The following RND3 variants were observed in gnomAD, a reference collection of about 807,000 sequenced individuals.
RND3 encodes the protein rho-related GTP-binding protein RhoE.
A neutral mutation model predicts 26.5 loss-of-function variants in RND3; 8 were observed. That is an observed-to-expected ratio of 0.30 (90% CI 0.18 to 0.54). The LOEUF is 0.54. Ranked by LOEUF, RND3 falls within the 20% of genes least tolerant of loss-of-function variation. RND3 has a pLI of 0.94. For synonymous variants in RND3, 113 were observed against 113.0 expected (o/e 1.00, Z 0.00); for missense variants, 207 against 302.8 (o/e 0.68, Z 2.35).
At chr2:150,483,376 C>T (rs1225831046) in intron 3 of RND3, among the ~76,000 whole-genome samples, 3 of 152,210 alleles carry the variant, frequency 2.0e-5, no homozygotes, top group African/African-American at 7.2e-5. Flanking sequence ...TATATAAGAG[C>T]AGTCAGGCAC....
chr2:150,482,784 A>G (rs1012438437), intron 3 of RND3, among the ~76,000 whole-genome samples: 6 of 152,262 alleles, frequency 3.9e-5, no homozygotes, highest in East Asian at 1.9e-4. Context: ...CAGAGGATCT[A>G]TAAGCCCTAG....
rs912610598 is a variant in RND3, at chr2:150,482,100, T to A, written c.238+4594A>T. ...AAAAGAAACTTGGATCATGACAAGATTCGAAAGAGTGTTCATGAGGCAATA... is the reference window on the plus strand; with the variant it reads ...AAAAGAAACTTGGATCATGACAAGAATCGAAAGAGTGTTCATGAGGCAATA... On this transcript the variant is annotated intron_variant, in intron 3 of 5. Coordinates refer to ENST00000263895, the MANE Select transcript of RND3 (RefSeq NM_005168.5). Among the ~76,000 whole-genome samples the A allele has an allele frequency of 2.6e-5, 4 of 152,228 alleles. 1 individual carries two copies. Among genetic ancestry groups the A allele is most frequent in the Non-Finnish European group, 4.4e-5 (3 of 68,042 alleles).
chr2:150,485,536 C>G (rs909491876), intron 3 of RND3, among the ~76,000 whole-genome samples: 17 of 152,236 alleles, frequency 1.1e-4, no homozygotes, highest in Admixed American at 3.9e-4. Context: ...TTGGCTCGGT[C>G]CGCCAGCAAC....
At chr2:150,481,396 T>C (rs1241317489) in intron 3 of RND3, among the ~76,000 whole-genome samples, 2 of 152,216 alleles carry the variant, frequency 1.3e-5, no homozygotes, top group African/African-American at 4.8e-5. Context: ...AAGAAGGATG[T>C]CTTTACCCTG....
intron 3 of RND3, among the ~76,000 whole-genome samples, chr2:150,479,447 T>C (rs1439736417): frequency 6.6e-6 from 1 of 152,232 alleles, no homozygotes; most frequent in East Asian, 1.9e-4. Flanking sequence ...AAACTCTTCT[T>C]GTTGAATATT....
At chr2:150,484,882 C>A (rs148919241) in intron 3 of RND3, among the ~76,000 whole-genome samples, 80 of 152,248 alleles carry the variant, frequency 5.3e-4, no homozygotes, top group Non-Finnish European at 2.4e-4. Context: ...TAATTTTTAT[C>A]GTGCATTAGG....
At chr2:150,487,149 C>CCT in intron 2 of RND3, 119 bp downstream of exon 2, 1 of 550,600 alleles carries the variant, frequency 1.8e-6, no homozygotes, top group Non-Finnish European at 2.8e-6. Flanking sequence ...CCGAGAAAGA[C>CCT]TTTTTTTTTT....
chr2:150,478,579 C>CAA (rs1229770069), intron 3 of RND3, among the ~76,000 whole-genome samples: 24,064 of 105,992 alleles, frequency 0.23, 2,537 homozygotes, highest in East Asian at 0.41. Context: ...AGCCAAACGG[C>CAA]AAAAAAAAAA....
intron 3 of RND3, among the ~76,000 whole-genome samples, chr2:150,484,123 C>T (rs1686320960): frequency 6.6e-6 from 1 of 152,194 alleles, no homozygotes; most frequent in South Asian, 2.1e-4. Flanking sequence ...GAATAAATGT[C>T]AGGGAACCTC....
chr2:150,476,553 A>G (rs1188377477), intron 3 of RND3, among the ~76,000 whole-genome samples: 1 of 152,222 alleles, frequency 6.6e-6, no homozygotes, highest in African/African-American at 2.4e-5. Context: ...GTGTGAATAA[A>G]TAGAGAATTA....
Position 150,469,186 on chromosome 2 carries a change from C to T in RND3, c.*801G>A, listed in dbSNP as rs893471791. 1 of 152,450 alleles carries T rather than the reference C, an allele frequency of 6.6e-6. No individual in the cohort carries two copies. Among genetic ancestry groups the T allele is most frequent in the African/African-American group, 2.4e-5 (1 of 41,392 alleles). 9.4% of individuals were successfully genotyped at this position (152,450 alleles called of 1,614,324 possible). On this transcript the variant is annotated 3_prime_UTR_variant, in exon 6 of 6. Coordinates refer to ENST00000263895, the MANE Select transcript of RND3 (RefSeq NM_005168.5). The stretch of plus-strand genomic sequence containing the variant: ...GACTTTGCATTTTTATCAACGATGG[C>T]AAAAAATCACACAACTTCTAAACAG...
rs1490321914 is a variant in RND3, at chr2:150,486,144, G to C, written c.238+550C>G. The stretch of plus-strand genomic sequence containing the variant: ...GCTGCCCGGCCCCTGCGCCACCAGC[G>C]CATTCCTGGGTGTAGGCGTCACGGG... On this transcript the variant is annotated intron_variant, in intron 3 of 5. Coordinates refer to ENST00000263895, the MANE Select transcript of RND3 (RefSeq NM_005168.5). The surrounding 1 kb of genome is among the most constrained non-coding windows in gnomAD (Gnocchi z 4.5). Among the ~76,000 whole-genome samples the C allele has an allele frequency of 6.6e-6, 1 of 152,050 alleles. No homozygotes were observed. Among genetic ancestry groups the C allele is most frequent in the Non-Finnish European group, 1.5e-5 (1 of 68,004 alleles).
rs978242755 is a variant in RND3 at position 150,470,177 on chromosome 2, G to A, written c.545C>T (p.Ser182Leu). The change falls in exon 6 of 6, where the codon TCG becomes TTG. Residue 182 changes from serine (S) to leucine (L), a missense_variant. Transcript: ENST00000263895. ...AAAAATGTCTCTGACGCTATTTTCC[G>A]ACTGTAAAGCTGAGCATTCGATATA... Reference protein sequence around the residue: ...ATYIECSALQSENSVRDIFHV... With the variant: ...ATYIECSALQLENSVRDIFHV... The A allele has an allele frequency of 2.5e-6, 4 of 1,613,832 alleles. No individual in the cohort carries two copies. The highest frequency in any genetic ancestry group is 3.4e-6 in the Non-Finnish European group (4 of 1,179,888).
intron 3 of RND3, among the ~76,000 whole-genome samples, chr2:150,478,522 C>T (rs1686211204): frequency 6.7e-6 from 1 of 148,808 alleles, no homozygotes; most frequent in Non-Finnish European, 1.5e-5. Context: ...ACAATACCTG[C>T]CCCTAACTCC....
intron 1 of RND3, 33 bp from the exon 2 acceptor site, chr2:150,487,488 T>C: frequency 2.8e-6 from 1 of 354,672 alleles, no homozygotes; most frequent in Non-Finnish European, 4.3e-6. Flanking sequence ...TATATATATA[T>C]ATATATTTCT....
chr2:150,471,643 G>A lies in RND3; in HGVS notation c.467C>T (p.Pro156Leu). Residue 156 changes from proline (P) to leucine (L), a missense_variant, in exon 5 of 6, where the codon CCA (proline) becomes CTA (leucine). Physicochemically the swap from Pro to Leu is moderately conservative, Grantham distance 98. Coordinates refer to ENST00000263895, the MANE Select transcript of RND3 (RefSeq NM_005168.5). ...LVELSNHRQT[P>L]VSYDQGANMA... ...CATACATACCTGGTCATAGGACACT[G>A]GCGTCTGCCTGTGATTGGAGAGCTC... 1 of 1,612,002 alleles carries A rather than the reference G, an allele frequency of 6.2e-7. No homozygotes were observed.
chr2:150,487,368 T>C lies in RND3; in HGVS notation c.50A>G (p.Asp17Gly). ...CTTGCATTTCACGTTCTGATTAGGA[T>C]CCATGATAGATTTGCTGGATAATTT... ...SQKLSSKSIM[D>G]PNQNVKCKIV... The change falls in exon 2 of 6, where the codon GAT (aspartate) becomes GGT (glycine). Residue 17 changes from aspartate (D) to glycine (G), a missense_variant. Physicochemically the swap from Asp to Gly is moderately conservative, Grantham distance 94 (BLOSUM62 -1). Transcript: ENST00000263895. 1.3e-6 allele frequency: 2 copies of C among 1,577,282 alleles called. No individual in the cohort carries two copies. The highest frequency in any genetic ancestry group is 1.7e-6 in the Non-Finnish European group (2 of 1,160,190).
In RND3 at chr2:150,486,603, G is replaced by C. The variant is rs1361766317; in HGVS notation, c.238+91C>G. On this transcript the variant is annotated intron_variant, in intron 3 of 5. Coordinates refer to ENST00000263895, the MANE Select transcript of RND3 (RefSeq NM_005168.5). This position sits in a 1 kb window ranked among gnomAD's most constrained non-coding sequence, Gnocchi z 4.5. ...GGAATCCCTTGGGAGGGGCGCAGAC[G>C]GCTTGTAGCGCGCGGTTTCCCGAGA... is the stretch of plus-strand genomic sequence containing the variant. 2.2e-5 allele frequency: 20 copies of C among 912,520 alleles called. 1 individual carries two copies. In the South Asian group the frequency reaches 2.2e-4, roughly 10 times the overall value. The allele number at this position is 912,520 out of a possible 1,614,324, so 56.5% of individuals were successfully genotyped here.
At chr2:150,476,609 G>C (rs1367995600) in intron 3 of RND3, among the ~76,000 whole-genome samples, 1 of 152,170 alleles carries the variant, frequency 6.6e-6, no homozygotes, top group Non-Finnish European at 1.5e-5. Flanking sequence ...CCCACATCTG[G>C]AACCAGGACC....
Sources: allele counts gnomAD v4.1 joint callset (sites outside exome capture counted in the v4.1 genomes callset), GRCh38; gene constraint gnomAD v4.1.1; non-coding constraint Gnocchi (gnomAD v3.1); transcripts MANE v1.5; gene names NCBI Gene and HGNC (gene_info 2026-07-23, HGNC 2026-07-21).